The following RBFOX3 variants were observed in gnomAD, a reference collection of about 807,000 sequenced individuals.
RBFOX3 encodes RNA binding protein fox-1 homolog 3.
In RBFOX3, 17 loss-of-function variants were observed where a neutral mutation model predicts 48.7. That is an observed-to-expected ratio of 0.35 (90% CI 0.24 to 0.52). The LOEUF (loss-of-function observed/expected upper bound fraction) is 0.52. Ranked by LOEUF, RBFOX3 falls within the 20% of genes least tolerant of loss-of-function variation. The pLI is 0.94. For missense variants in RBFOX3, 382 were observed against 497.5 expected, an observed-to-expected ratio of 0.77 and a Z score of 2.21; for synonymous variants, 212 against 209.5, an observed-to-expected ratio of 1.01 and a Z score of -0.10.
intron 2 of RBFOX3, among the ~76,000 whole-genome samples, chr17:79,438,969 C>G (rs2070203159): frequency 6.6e-6 from 1 of 152,188 alleles, no homozygotes. Flanking sequence ...CCCTTTTCTC[C>G]CTCCTCCCGA....
intron 2 of RBFOX3, among the ~76,000 whole-genome samples, chr17:79,417,283 G>T (rs1261907502): frequency 1.3e-5 from 2 of 152,212 alleles, no homozygotes; most frequent in African/African-American, 4.8e-5. Flanking sequence ...GTCAGAGGCA[G>T]AATACTCACT....
At chr17:79,105,072 G>A (rs1171674236) in intron 6 of RBFOX3, among the ~76,000 whole-genome samples, 1 of 152,206 alleles carries the variant, frequency 6.6e-6, no homozygotes, top group South Asian at 2.1e-4. Context: ...CAACACTTCT[G>A]AGGTCCCCAG....
intron 9 of RBFOX3, among the ~76,000 whole-genome samples, chr17:79,100,782 A>G (rs2076287549): frequency 6.6e-6 from 1 of 152,220 alleles, no homozygotes; most frequent in African/African-American, 2.4e-5. Context: ...GATGGAGTTA[A>G]GACTCGCAGT....
chr17:79,599,679 C>G (rs2093657751), intron 1 of RBFOX3: 2 of 152,252 alleles, frequency 1.3e-5, no homozygotes, highest in Non-Finnish European at 2.9e-5. Context: ...GCTGGGCTAC[C>G]TGGCTGGGGA....
At chr17:79,184,562 C>G (rs1471592408) in intron 4 of RBFOX3, among the ~76,000 whole-genome samples, 1 of 152,252 alleles carries the variant, frequency 6.6e-6, no homozygotes, top group Non-Finnish European at 1.5e-5. Context: ...TCTCAGTTTA[C>G]CAGGATAAGC....
the RBFOX3 span, among the ~76,000 whole-genome samples, chr17:79,651,857 C>T: frequency 1.5e-5 from 2 of 134,866 alleles, no homozygotes; most frequent in Admixed American, 7.5e-5. Context: ...CTTTCCCCCC[C>T]TCCACCACCC....
chr17:79,092,607 G>A (rs1159843734), intron 14 of RBFOX3: 1 of 987,720 alleles, frequency 1.0e-6, no homozygotes, highest in Non-Finnish European at 1.2e-6. Flanking sequence ...CTAGTAGGGG[G>A]TGAAGCGGCT....
At chr17:79,383,065 C>CACACACACAA (rs944403159) in intron 2 of RBFOX3, among the ~76,000 whole-genome samples, 2 of 141,102 alleles carry the variant, frequency 1.4e-5, no homozygotes, top group African/African-American at 5.0e-5. Context: ...CACACACACA[C>CACACACACAA]ACACACACAG....
At chr17:79,432,901 C>A (rs1452850992) in intron 2 of RBFOX3, among the ~76,000 whole-genome samples, 3 of 152,250 alleles carry the variant, frequency 2.0e-5, no homozygotes, top group Non-Finnish European at 4.4e-5. Context: ...TTACACTTAA[C>A]TTGGTGACAG....
At chr17:79,664,333 C>G in the RBFOX3 span, among the ~76,000 whole-genome samples, 1 of 149,896 alleles carries the variant, frequency 6.7e-6, no homozygotes, top group Admixed American at 6.7e-5. Flanking sequence ...TGCCACCATG[C>G]CTGGCTAATT....
chr17:79,116,601 T>G (rs1408896342), intron 4 of RBFOX3, among the ~76,000 whole-genome samples: 1 of 152,264 alleles, frequency 6.6e-6, no homozygotes, highest in Non-Finnish European at 1.5e-5. Flanking sequence ...TCCCTGGAAG[T>G]GACTGTGCAG....
intron 1 of RBFOX3, among the ~76,000 whole-genome samples, chr17:79,581,361 C>T (rs939328927): frequency 2.0e-5 from 3 of 152,244 alleles, no homozygotes; most frequent in Admixed American, 6.5e-5. Flanking sequence ...GACTTCCCCT[C>T]GGGCTCAAGT....
chr17:79,578,089 G>A (rs2092922641), intron 1 of RBFOX3, among the ~76,000 whole-genome samples: 1 of 152,248 alleles, frequency 6.6e-6, no homozygotes, highest in Non-Finnish European at 1.5e-5. Context: ...ATGGGCAGGA[G>A]GCAGAGCTGA....
rs1436851983 is a variant in RBFOX3 at position 79,245,098 on chromosome 17, CAG to C, written c.-73-9295_-73-9294del. Among the ~76,000 whole-genome samples the C allele has an allele frequency of 2.0e-5, 3 of 147,720 alleles. No homozygotes were observed. In the East Asian group the frequency reaches 6.3e-4, roughly 31 times the overall value. ...TTTTGTTTTTCTTTTCTTTTTGAGA[CAG>C]AGTCTCACTCTGTTGCTCAGGCTGG... On this transcript the variant is annotated intron_variant, in intron 3 of 14. Transcript: ENST00000693108.
At chr17:79,316,611 C>T (rs940834929) in intron 2 of RBFOX3, among the ~76,000 whole-genome samples, 2 of 152,202 alleles carry the variant, frequency 1.3e-5, no homozygotes, top group African/African-American at 4.8e-5. Flanking sequence ...TCCCAGAGCC[C>T]CTCCCCACAA....
chr17:79,422,007 G>A (rs1233600814), intron 2 of RBFOX3, among the ~76,000 whole-genome samples: 1 of 152,128 alleles, frequency 6.6e-6, no homozygotes, highest in Non-Finnish European at 1.5e-5. Flanking sequence ...GCCGGCTGCT[G>A]GCTTCCAGCC....
chr17:79,656,774 G>C, the RBFOX3 span, among the ~76,000 whole-genome samples: 1 of 29,168 alleles, frequency 3.4e-5, no homozygotes, highest in Non-Finnish European at 8.5e-5. Flanking sequence ...AGGAAGGAAG[G>C]AAGGAAAGAA....
At chr17:79,605,702 G>A (rs1478995503) in intron 1 of RBFOX3, among the ~76,000 whole-genome samples, 2 of 152,178 alleles carry the variant, frequency 1.3e-5, no homozygotes, top group East Asian at 1.9e-4. Context: ...TTTTTCTGCT[G>A]GGAATATGTT....
At chr17:79,569,600 T>C (rs2092591710) in intron 1 of RBFOX3, among the ~76,000 whole-genome samples, 1 of 152,216 alleles carries the variant, frequency 6.6e-6, no homozygotes, top group African/African-American at 2.4e-5. Context: ...TAGATTTCTT[T>C]AATCTGCCAA....
Sources: gnomAD v4.1 joint callset for allele counts (sites outside exome capture counted in the v4.1 genomes callset) on GRCh38, gnomAD v4.1.1 for gene constraint, MANE v1.5 for transcripts, NCBI Gene and HGNC (gene_info 2026-07-23, HGNC 2026-07-21) for gene names.